Variants in NLRP13 observed in about 807,000 individuals in gnomAD.
NLRP13 encodes NACHT, LRR and PYD domains-containing protein 13.
NLRP13 carries 82 observed loss-of-function variants against 94.4 expected under a neutral mutation model. The ratio of observed to expected loss-of-function variants is 0.87; its 90% CI spans 0.73 to 1.04. The LOEUF is 1.04. Ranked by LOEUF, NLRP13 falls within the 50% of genes least tolerant of loss-of-function variation. NLRP13 has a pLI of 0.00. For missense variants in NLRP13, 1,426 were observed against 1,230.8 expected (o/e 1.16, Z -2.37); for synonymous variants, 553 against 464.7 (o/e 1.19, Z -2.45).
intron 10 of NLRP13, 61 bp from the exon 11 acceptor site, chr19:55,896,180 G>C (rs934288095): frequency 8.1e-5 from 127 of 1,560,570 alleles, no homozygotes; most frequent in Non-Finnish European, 1.1e-4. Context: ...AGTTAGAAAA[G>C]AGATACCACA....
At chr19:55,919,350 A>G (rs1301954531) in intron 4 of NLRP13, among the ~76,000 whole-genome samples, 1 of 152,180 alleles carries the variant, frequency 6.6e-6, no homozygotes, top group African/African-American at 2.4e-5. Flanking sequence ...TATTCAACAC[A>G]AAACTGGCTA....
Position 55,912,022 on chromosome 19 carries a change from C to T in NLRP13, c.1795G>A (p.Glu599Lys). The change falls in exon 5 of 11, where the codon GAA becomes AAA. Residue 599 changes from glutamate (E) to lysine (K), a missense_variant. Physicochemically the swap from Glu to Lys is moderately conservative, Grantham distance 56. Coordinates refer to ENST00000342929, the MANE Select transcript of NLRP13 (RefSeq NM_176810.2). ...FGLLNKNIAR[E>K]LEDTLHCKIS... ...TTACAATGCAAAGTATCTTCCAGTT[C>T]TCTTGCTATGTTTTTATTTAAAAGA... The T allele has an allele frequency of 6.2e-7, 1 of 1,614,122 alleles. No individual in the cohort carries two copies. Among genetic ancestry groups the T allele is most frequent in the South Asian group, 1.1e-5 (1 of 91,080 alleles).
chr19:55,922,320 T>G (rs1408787096), intron 4 of NLRP13, among the ~76,000 whole-genome samples: 1 of 151,998 alleles, frequency 6.6e-6, no homozygotes, highest in Non-Finnish European at 1.5e-5. Flanking sequence ...TATTGTTGTT[T>G]TTTGTTTTTT....
At chr19:55,908,935 G>C (rs1003067705) in intron 6 of NLRP13, among the ~76,000 whole-genome samples, 4 of 152,086 alleles carry the variant, frequency 2.6e-5, no homozygotes, top group African/African-American at 9.7e-5. Context: ...ATAAATGAAG[G>C]CCACAGCCCC....
Position 55,905,028 on chromosome 19 carries a change from G to A in NLRP13, c.2532C>T (p.Cys844=), listed in dbSNP as rs569519554. ...LTSIQHVTRL[C]LGFNRLQDDG... ...CATCTTGGAGCCGATTAAATCCCAG[G>A]CACAATCGAGTTACGTGTTGGATGC... The change falls in exon 8 of 11, where the codon TGC becomes TGT. Residue 844 remains cysteine, a synonymous_variant. Coordinates refer to ENST00000342929, the MANE Select transcript of NLRP13 (RefSeq NM_176810.2). 84 of 1,613,700 alleles carry A rather than the reference G, an allele frequency of 5.2e-5. No homozygotes were observed. Among genetic ancestry groups the A allele is most frequent in the South Asian group, 4.9e-4 (45 of 91,036 alleles).
At position 55,923,961 on chromosome 19, in the gene NLRP13, C is replaced by T. The variant is rs760346479; in HGVS notation, c.476G>A (p.Gly159Glu). 6.2e-7 allele frequency: 1 copy of T among 1,613,738 alleles called. No homozygotes were observed. The highest frequency in any genetic ancestry group is 8.5e-7 in the Non-Finnish European group (1 of 1,179,744). Residue 159 changes from glycine (G) to glutamate (E), a missense_variant, in exon 4 of 11, where the codon GGA becomes GAA. Physicochemically the swap from Gly to Glu is moderately conservative, Grantham distance 98 (BLOSUM62 -2). Transcript: ENST00000342929. ...EEETGNVQAQ[G>E]CQDPNQEEPE... is the part of the protein sequence containing the mutation. ...TTCTTCTTGGTTTGGATCTTGGCATCCCTGGGCCTGTACATTCCCTGAAAT... is the reference window on the plus strand; with the variant it reads ...TTCTTCTTGGTTTGGATCTTGGCATTCCTGGGCCTGTACATTCCCTGAAAT...
intron 7 of NLRP13, among the ~76,000 whole-genome samples, 184 bp downstream of exon 7, chr19:55,907,608 G>A (rs1387731196): frequency 2.0e-5 from 3 of 152,218 alleles, no homozygotes; most frequent in Admixed American, 6.5e-5. Context: ...CTCCCCCAAG[G>A]TGAGGCTAAT....
Position 55,924,592 on chromosome 19 carries a change from GTTT to G in NLRP13, c.452_454del (p.Glu151_Thr152delinsAla). 6.2e-7 allele frequency: 1 copy of G among 1,611,436 alleles called. No individual in the cohort carries two copies. Among genetic ancestry groups the G allele is most frequent in the Non-Finnish European group, 8.5e-7 (1 of 1,177,790 alleles). On this transcript the variant is annotated inframe_deletion, in exon 3 of 11. Coordinates refer to ENST00000342929, the MANE Select transcript of NLRP13 (RefSeq NM_176810.2). ...TATCAACCAAGTAATGTACACACCTGTTTCTTCTTCTAGCTCGTCTAGTTCTTC... is the reference window on the plus strand; with the variant it reads ...TATCAACCAAGTAATGTACACACCTGCTTCTTCTAGCTCGTCTAGTTCTTC...
intron 4 of NLRP13, 34 bp downstream of exon 4, chr19:55,923,880 C>A (rs764363979): frequency 1.3e-6 from 2 of 1,527,126 alleles, no homozygotes; most frequent in South Asian, 1.1e-5. Flanking sequence ...CGTCAAGCAA[C>A]CTGTCCATTA....
At chr19:55,910,488 C>A in intron 6 of NLRP13, 75 bp downstream of exon 6, 1 of 1,381,060 alleles carries the variant, frequency 7.2e-7, no homozygotes, top group South Asian at 1.7e-5. Flanking sequence ...AAATAGTCAA[C>A]CACACTCATC....
chr19:55,924,892 G>T, intron 2 of NLRP13, 75 bp downstream of exon 2: 1 of 1,237,522 alleles, frequency 8.1e-7, no homozygotes, highest in Non-Finnish European at 1.2e-6. Context: ...TTCAGAGTAG[G>T]CAGCGGATGT....
intron 1 of NLRP13, among the ~76,000 whole-genome samples, chr19:55,931,342 G>C (rs1247064527): frequency 6.6e-6 from 1 of 152,082 alleles, no homozygotes; most frequent in Non-Finnish European, 1.5e-5. Flanking sequence ...CCATGCATAA[G>C]CTAACATGAA....
At chr19:55,920,416 T>G (rs1401198750) in intron 4 of NLRP13, among the ~76,000 whole-genome samples, 1 of 152,078 alleles carries the variant, frequency 6.6e-6, no homozygotes, top group East Asian at 1.9e-4. Context: ...TTGCAAAGTA[T>G]ACATTCAAAG....
At chr19:55,895,198 T>TTAA (rs1555812876), downstream of NLRP13, among the ~76,000 whole-genome samples, 709 of 140,404 alleles carry the variant, frequency 5.0e-3, 9 homozygotes, top group African/African-American at 0.018. Context: ...AAAAGTATGT[T>TTAA]AAAAAAAAAA....
At chr19:55,919,589 A>G (rs571086717) in intron 4 of NLRP13, among the ~76,000 whole-genome samples, 2 of 152,132 alleles carry the variant, frequency 1.3e-5, no homozygotes, top group African/African-American at 4.8e-5. Flanking sequence ...CTGAGAACCA[A>G]ATTAAGAAGG....
At chr19:55,903,872 G>T (rs1037327623) in intron 8 of NLRP13, among the ~76,000 whole-genome samples, 3 of 152,022 alleles carry the variant, frequency 2.0e-5, no homozygotes, top group African/African-American at 7.3e-5. Context: ...ATTTTTGTCC[G>T]GACTGTAGTC....
chr19:55,929,254 ACCCAGCAAT>A (rs1227869297), intron 1 of NLRP13, among the ~76,000 whole-genome samples: 1 of 152,206 alleles, frequency 6.6e-6, no homozygotes, highest in Admixed American at 6.5e-5. Flanking sequence ...ATACCATTTG[ACCCAGCAAT>A]CCCATTACTG....
At chr19:55,919,170 T>C (rs1313212325) in intron 4 of NLRP13, among the ~76,000 whole-genome samples, 1 of 152,066 alleles carries the variant, frequency 6.6e-6, no homozygotes, top group Non-Finnish European at 1.5e-5. Flanking sequence ...AAATTCAGCA[T>C]CCCTTCATGA....
chr19:55,924,571 A>C lies in NLRP13; in HGVS notation c.457+19T>G. ...TCCATCAAGCAACCTGTCAATTATCAACCAAGTAATGTACACACCTGTTTC... is the reference window on the plus strand; with the variant it reads ...TCCATCAAGCAACCTGTCAATTATCCACCAAGTAATGTACACACCTGTTTC... On this transcript the variant is annotated intron_variant, in intron 3 of 10. Transcript: ENST00000342929. The C allele has an allele frequency of 6.3e-7, 1 of 1,593,848 alleles. No homozygotes were observed. Among genetic ancestry groups the C allele is most frequent in the South Asian group, 1.1e-5 (1 of 90,146 alleles).
Sources: allele counts gnomAD v4.1 joint callset (sites outside exome capture counted in the v4.1 genomes callset), GRCh38; gene constraint gnomAD v4.1.1; transcripts MANE v1.5; gene names NCBI Gene and HGNC (gene_info 2026-07-23, HGNC 2026-07-21).